Variants in MARCHF4 observed in about 807,000 individuals in gnomAD.
MARCHF4 encodes the protein E3 ubiquitin-protein ligase MARCHF4.
A neutral mutation model predicts 43.9 loss-of-function variants in MARCHF4; 14 were observed. That is an observed-to-expected ratio of 0.32 (90% confidence interval 0.21 to 0.50). MARCHF4 has a LOEUF of 0.50. Among genes scored for constraint, MARCHF4 ranks in the 20% least tolerant of loss-of-function variants. MARCHF4 has a pLI of 0.98. For synonymous variants in MARCHF4, 226 were observed against 213.3 expected, an observed-to-expected ratio of 1.06 and a Z score of -0.52; for missense variants, 468 against 536.7, an observed-to-expected ratio of 0.87 and a Z score of 1.27.
intron 1 of MARCHF4, among the ~76,000 whole-genome samples, chr2:216,285,163 C>T (rs913006077): frequency 2.1e-4 from 32 of 152,204 alleles, no homozygotes; most frequent in African/African-American, 6.8e-4. Context: ...AATCAAGTGT[C>T]TTCTCAGGTT....
intron 1 of MARCHF4, among the ~76,000 whole-genome samples, chr2:216,296,309 G>A (rs1356611761): frequency 1.3e-5 from 2 of 152,212 alleles, no homozygotes; most frequent in African/African-American, 4.8e-5. Context: ...TCGTGCCACT[G>A]CACTCCAGTC....
At chr2:216,333,790 A>G (rs1049060276) in intron 1 of MARCHF4, among the ~76,000 whole-genome samples, 12 of 152,124 alleles carry the variant, frequency 7.9e-5, no homozygotes, top group Non-Finnish European at 4.4e-5. Context: ...CAGCTCCTGG[A>G]AAGAGACCCG....
rs1254107782 is a variant in MARCHF4, at chr2:216,372,135, G to C, written c.-1875C>G. ...GAAGCAAATCAGATTCCAGGCTGCT[G>C]CCAGGTGTTGTCTCGTCTTCCGCCG... On this transcript the variant is annotated 5_prime_UTR_variant, in exon 1 of 4. Coordinates refer to ENST00000273067, the MANE Select transcript of MARCHF4 (RefSeq NM_020814.3). The C allele has an allele frequency of 6.6e-6, 1 of 152,468 alleles. No individual in the cohort carries two copies. The highest frequency in any genetic ancestry group is 1.5e-5 in the Non-Finnish European group (1 of 68,228). 9.4% of individuals were successfully genotyped at this position (152,468 alleles called of 1,614,324 possible). A position where few individuals can be genotyped will look rare whatever the true frequency, so the allele number is the denominator to read the frequency against.
chr2:216,299,338 C>T (rs542683582), intron 1 of MARCHF4, among the ~76,000 whole-genome samples: 5 of 152,102 alleles, frequency 3.3e-5, no homozygotes, highest in Admixed American at 6.5e-5. Context: ...ACAGGAATGA[C>T]GTGGAGTATT....
intron 1 of MARCHF4, among the ~76,000 whole-genome samples, chr2:216,344,033 G>A (rs1417574665): frequency 2.0e-5 from 3 of 152,158 alleles, no homozygotes; most frequent in African/African-American, 7.2e-5. Context: ...AGAGGGGACT[G>A]ATGGGAACCC....
intron 1 of MARCHF4, among the ~76,000 whole-genome samples, chr2:216,289,572 T>C (rs1691275268): frequency 6.6e-6 from 1 of 152,194 alleles, no homozygotes; most frequent in African/African-American, 2.4e-5. Context: ...TATAGATTTC[T>C]TTCTGTTTAT....
At chr2:216,303,065 A>C (rs559476691) in intron 1 of MARCHF4, among the ~76,000 whole-genome samples, 10 of 152,184 alleles carry the variant, frequency 6.6e-5, no homozygotes, top group Admixed American at 5.2e-4. Context: ...CTCTTCATTG[A>C]GGAATAAAAC....
intron 3 of MARCHF4, among the ~76,000 whole-genome samples, chr2:216,267,877 T>C (rs1057496544): frequency 2.8e-4 from 43 of 152,076 alleles, no homozygotes; most frequent in African/African-American, 1.0e-3. Flanking sequence ...TCGAGGGGTC[T>C]CTTTGGAAAA....
At position 216,369,779 on chromosome 2, in the gene MARCHF4, G is replaced by C; in HGVS notation, c.482C>G (p.Pro161Arg). Residue 161 changes from proline to arginine, a missense_variant, in exon 1 of 4, where the codon CCA (proline) becomes CGA (arginine). Around this residue, in one of 3 missense-constraint regions of MARCHF4, gnomAD observed 158 missense variants for 251.1 expected, o/e 0.63. Transcript: ENST00000273067. ...CCCCTGGAAGCAGATGCGGCAGAGT[G>C]GGGTCCTCATACCACTGTCCAAGCT... Reference protein sequence around the residue: ...GSSLDSGMRTPLCRICFQGPE... With the variant: ...GSSLDSGMRTRLCRICFQGPE... 6.2e-7 allele frequency: 1 copy of C among 1,606,918 alleles called. No homozygotes were observed. Among genetic ancestry groups the C allele is most frequent in the Non-Finnish European group, 8.5e-7 (1 of 1,175,246 alleles).
chr2:216,276,415 A>C (rs548577445), intron 3 of MARCHF4, among the ~76,000 whole-genome samples: 1 of 152,292 alleles, frequency 6.6e-6, no homozygotes, highest in African/African-American at 2.4e-5. Flanking sequence ...TCTCTCACTG[A>C]CTAGGTGCTA....
chr2:216,260,828 G>A (rs183338131), intron 3 of MARCHF4, among the ~76,000 whole-genome samples: 5 of 152,346 alleles, frequency 3.3e-5, no homozygotes, highest in Admixed American at 3.3e-4. Flanking sequence ...AAGAGAATGA[G>A]TGGAAAGCCA....
chr2:216,328,547 C>T (rs1160086839), intron 1 of MARCHF4, among the ~76,000 whole-genome samples: 1 of 152,192 alleles, frequency 6.6e-6, no homozygotes, highest in African/African-American at 2.4e-5. Context: ...CAGCTTTGCC[C>T]TCCAGGGGCC....
intron 1 of MARCHF4, among the ~76,000 whole-genome samples, chr2:216,329,187 C>T (rs1046216497): frequency 7.9e-5 from 12 of 151,964 alleles, no homozygotes; most frequent in Non-Finnish European, 1.5e-4. Flanking sequence ...GAGACCATCC[C>T]GGCTAACATG....
intron 1 of MARCHF4, among the ~76,000 whole-genome samples, chr2:216,319,912 T>C (rs527742744): frequency 6.6e-6 from 1 of 152,302 alleles, no homozygotes; most frequent in African/African-American, 2.4e-5. Flanking sequence ...CTTGCCATTG[T>C]CATCTAGAAA....
intron 1 of MARCHF4, among the ~76,000 whole-genome samples, chr2:216,355,480 T>C (rs989871083): frequency 6.6e-6 from 1 of 152,204 alleles, no homozygotes; most frequent in African/African-American, 2.4e-5. Flanking sequence ...CACACTTTTT[T>C]ACTTGAATTG....
At chr2:216,325,391 C>A (rs1691972105) in intron 1 of MARCHF4, among the ~76,000 whole-genome samples, 1 of 152,146 alleles carries the variant, frequency 6.6e-6, no homozygotes, top group African/African-American at 2.4e-5. Context: ...CCATACTGCC[C>A]AAGGTAATTT....
chr2:216,306,648 G>T (rs973758470), intron 1 of MARCHF4, among the ~76,000 whole-genome samples: 7 of 152,114 alleles, frequency 4.6e-5, no homozygotes, highest in African/African-American at 1.7e-4. Flanking sequence ...GTTACTAACT[G>T]CTCAGTATAT....
At chr2:216,274,004 G>C (rs1690982859) in intron 3 of MARCHF4, among the ~76,000 whole-genome samples, 1 of 152,246 alleles carries the variant, frequency 6.6e-6, no homozygotes, top group Non-Finnish European at 1.5e-5. Flanking sequence ...AGTGTCGGTT[G>C]TGTTACAGCA....
chr2:216,327,908 G>A (rs1188563375), intron 1 of MARCHF4, among the ~76,000 whole-genome samples: 5 of 150,750 alleles, frequency 3.3e-5, no homozygotes, highest in African/African-American at 4.9e-5. Context: ...AGGGAAAAAG[G>A]CAGAAATTTG....
Sources: allele counts gnomAD v4.1 joint callset (sites outside exome capture counted in the v4.1 genomes callset), GRCh38; gene constraint gnomAD v4.1.1; regional missense constraint gnomAD v4.1.1; transcripts MANE v1.5; gene names NCBI Gene and HGNC (gene_info 2026-07-23, HGNC 2026-07-21).